The following SERINC5 variants were observed in gnomAD, a reference collection of about 807,000 sequenced individuals.
The protein encoded by SERINC5 is chromosome 5 open reading frame 12.
SERINC5 carries 41 observed loss-of-function variants against 63.1 expected under a neutral mutation model. The observed-to-expected ratio is 0.65, with a 90% CI of 0.51 to 0.84. The LOEUF (loss-of-function observed/expected upper bound fraction) is 0.84. SERINC5 is among the 40% of genes least tolerant of loss of function. SERINC5 has a pLI of 0.00. For synonymous variants in SERINC5, 222 were observed against 215.2 expected (o/e 1.03, Z -0.28); for missense variants, 523 against 573.0 (o/e 0.91, Z 0.89).
At chr5:80,117,828 G>A (rs1000766506) in intron 11 of SERINC5, among the ~76,000 whole-genome samples, 1 of 151,900 alleles carries the variant, frequency 6.6e-6, no homozygotes, top group Non-Finnish European at 1.5e-5. Flanking sequence ...GCCTTGGCTT[G>A]TAGCTGCACC....
At chr5:80,133,312 C>G (rs967458197) in intron 11 of SERINC5, among the ~76,000 whole-genome samples, 6 of 152,188 alleles carry the variant, frequency 3.9e-5, no homozygotes, top group African/African-American at 7.2e-5. Context: ...AGGCCTAACA[C>G]TAGCCTAAAA....
At chr5:80,170,199 A>G (rs1172291903) in intron 5 of SERINC5, among the ~76,000 whole-genome samples, 1 of 152,240 alleles carries the variant, frequency 6.6e-6, no homozygotes, top group Non-Finnish European at 1.5e-5. Flanking sequence ...ACCTGGGAAG[A>G]TAAGCTTGTA....
intron 1 of SERINC5, among the ~76,000 whole-genome samples, chr5:80,253,653 A>G (rs536354853): frequency 1.3e-5 from 2 of 152,010 alleles, no homozygotes; most frequent in African/African-American, 4.8e-5. Context: ...GCCTCTCCTC[A>G]CTGAGCAGTC....
chr5:80,151,671 T>A (rs577869633), intron 8 of SERINC5, among the ~76,000 whole-genome samples: 1 of 152,226 alleles, frequency 6.6e-6, no homozygotes, highest in African/African-American at 2.4e-5. Flanking sequence ...ACACAGAACA[T>A]TTTAAGCAAA....
chr5:80,220,937 C>G (rs749166918), intron 1 of SERINC5, among the ~76,000 whole-genome samples: 2 of 151,964 alleles, frequency 1.3e-5, no homozygotes, highest in Non-Finnish European at 2.9e-5. Flanking sequence ...GGGTCTTGAG[C>G]AGCGTGGATG....
chr5:80,173,221 GGAAA>G (rs1017603856), intron 5 of SERINC5, among the ~76,000 whole-genome samples: 2 of 131,300 alleles, frequency 1.5e-5, no homozygotes, highest in East Asian at 2.2e-4. Flanking sequence ...AAGGCAGGAA[GGAAA>G]GAAGGAAGGA....
chr5:80,142,674 C>G lies in SERINC5; in HGVS notation c.*989G>C. The stretch of plus-strand genomic sequence containing the variant: ...GAACACAAAACGACTTCCGCTTTTA[C>G]AGTTTCAAAGGCCTCAAGGTGGAGA... On this transcript the variant is annotated 3_prime_UTR_variant, in exon 12 of 12. Transcript: ENST00000507668. 7.1e-6 allele frequency: 7 copies of G among 985,414 alleles called. No homozygotes were observed. Among genetic ancestry groups the G allele is most frequent in the Non-Finnish European group, 8.4e-6 (7 of 829,950 alleles). 61.0% of individuals were successfully genotyped at this position (985,414 alleles called of 1,614,324 possible). A position where few individuals can be genotyped will look rare whatever the true frequency, so the allele number is the denominator to read the frequency against.
intron 2 of SERINC5, among the ~76,000 whole-genome samples, chr5:80,187,541 A>T (rs1413286796): frequency 6.6e-6 from 1 of 152,164 alleles, no homozygotes. Context: ...CTTTCCTTAC[A>T]CAGCCTCTTG....
chr5:80,166,258 G>T, intron 7 of SERINC5, 125 bp downstream of exon 7: 1 of 670,578 alleles, frequency 1.5e-6, no homozygotes, highest in Non-Finnish European at 2.6e-6. Context: ...ACCCTTCCCA[G>T]CCTCTGGTAA....
At chr5:80,237,849 A>G (rs1276107266) in intron 1 of SERINC5, among the ~76,000 whole-genome samples, 1 of 152,026 alleles carries the variant, frequency 6.6e-6, no homozygotes, top group Non-Finnish European at 1.5e-5. Context: ...CACGCCTGTA[A>G]TCCCAGCACT....
At chr5:80,114,593 TGCAGTGA>T (rs1401297032) in intron 11 of SERINC5, 2 of 161,168 alleles carry the variant, frequency 1.2e-5, no homozygotes, top group East Asian at 3.9e-4. Context: ...AGGTGGAGGT[TGCAGTGA>T]GCCAAGATCA....
intron 7 of SERINC5, among the ~76,000 whole-genome samples, chr5:80,161,538 A>T (rs963584616): frequency 6.6e-6 from 1 of 152,080 alleles, no homozygotes; most frequent in Non-Finnish European, 1.5e-5. Context: ...TTCTTTGACT[A>T]CTTTTTAATG....
intron 1 of SERINC5, among the ~76,000 whole-genome samples, chr5:80,243,131 A>G (rs1283905456): frequency 6.6e-6 from 1 of 152,198 alleles, no homozygotes; most frequent in Non-Finnish European, 1.5e-5. Context: ...TCTTTAGGCA[A>G]CATTCATAAG....
At chr5:80,215,587 G>T (rs1443495075) in intron 1 of SERINC5, among the ~76,000 whole-genome samples, 1 of 152,060 alleles carries the variant, frequency 6.6e-6, no homozygotes, top group Non-Finnish European at 1.5e-5. Context: ...ATTTTATTTT[G>T]AGTTCAGAGA....
intron 11 of SERINC5, chr5:80,116,300 T>TTAAG: frequency 2.2e-6 from 1 of 456,200 alleles, no homozygotes; most frequent in Non-Finnish European, 4.4e-6. Context: ...TTAAGAGGCC[T>TTAAG]TAAGTCTTCA....
intron 11 of SERINC5, among the ~76,000 whole-genome samples, chr5:80,144,144 C>T (rs1436326375): frequency 3.3e-5 from 5 of 152,182 alleles, no homozygotes; most frequent in Non-Finnish European, 7.3e-5. Flanking sequence ...GCCTGGCATA[C>T]AATTTCCAAG....
intron 2 of SERINC5, among the ~76,000 whole-genome samples, chr5:80,188,599 T>C (rs1298319369): frequency 6.6e-6 from 1 of 152,054 alleles, no homozygotes; most frequent in African/African-American, 2.4e-5. Flanking sequence ...CTACATAGAA[T>C]TCTAGGCTGG....
At chr5:80,222,388 A>G (rs1750944959) in intron 1 of SERINC5, among the ~76,000 whole-genome samples, 1 of 152,068 alleles carries the variant, frequency 6.6e-6, no homozygotes, top group African/African-American at 2.4e-5. Flanking sequence ...TCACATCATC[A>G]CGGACAAGTT....
intron 11 of SERINC5, 175 bp from the exon 12 acceptor site, chr5:80,143,985 T>A (rs927626177): frequency 2.6e-6 from 2 of 755,290 alleles, no homozygotes; most frequent in African/African-American, 3.5e-5. Context: ...CCAAAAGAAA[T>A]CATGCACCCC....
Sources: gnomAD v4.1 joint callset for allele counts (sites outside exome capture counted in the v4.1 genomes callset) on GRCh38, gnomAD v4.1.1 for gene constraint, MANE v1.5 for transcripts, NCBI Gene and HGNC (gene_info 2026-07-23, HGNC 2026-07-21) for gene names.